The following DCAF1 variants were observed in gnomAD, a reference collection of about 807,000 sequenced individuals.
DCAF1 encodes DDB1- and CUL4-associated factor 1.
Under a neutral mutation model 128.0 loss-of-function variants are expected in DCAF1, and 15 were observed. That is an observed-to-expected ratio of 0.12 (90% confidence interval 0.08 to 0.18). The LOEUF is 0.18. Ranked by LOEUF, DCAF1 falls within the 10% of genes least tolerant of loss-of-function variation. DCAF1 has a pLI of 1.00. For missense variants in DCAF1, 988 were observed against 1,649.5 expected (o/e 0.60, Z 6.95); for synonymous variants, 610 against 603.0 (o/e 1.01, Z -0.17).
chr3:51,468,305 G>A lies in DCAF1; in HGVS notation c.188-1429C>T, dbSNP rs528373716. On this transcript the variant is annotated intron_variant, in intron 4 of 24. Coordinates refer to ENST00000684031, the MANE Select transcript of DCAF1 (RefSeq NM_001387579.1). ...TCCTGCCTCAGCCTCCCGAGTAGCT[G>A]GGATTACAGGTGCCTGCCACCACGC... is the stretch of plus-strand genomic sequence containing the variant. 7.2e-5 allele frequency among the ~76,000 whole-genome samples: 11 copies of A among 152,232 alleles called. 1 individual carries two copies. In the South Asian group the frequency reaches 2.3e-3, roughly 32 times the overall value.
At chr3:51,504,388 C>G (rs1553664926), upstream of DCAF1, among the ~76,000 whole-genome samples, 1 of 151,438 alleles carries the variant, frequency 6.6e-6, no homozygotes, top group Non-Finnish European at 1.5e-5. Context: ...TCACTCTGTC[C>G]CCAGGCTGGA....
At chr3:51,489,150 T>G (rs1707326820) in intron 2 of DCAF1, among the ~76,000 whole-genome samples, 1 of 152,104 alleles carries the variant, frequency 6.6e-6, no homozygotes, top group South Asian at 2.1e-4. Context: ...ACTGGAGTCC[T>G]CCGCCTGGCG....
At chr3:51,442,956 T>TA (rs1553639287) in intron 7 of DCAF1, among the ~76,000 whole-genome samples, 1 of 152,054 alleles carries the variant, frequency 6.6e-6, no homozygotes, top group East Asian at 1.9e-4. Flanking sequence ...GAAGAATAGC[T>TA]AATGGATGCT....
At chr3:51,505,566 G>C in the DCAF1 span, among the ~76,000 whole-genome samples, 1 of 152,218 alleles carries the variant, frequency 6.6e-6, no homozygotes, top group African/African-American at 2.4e-5. Context: ...CGATGTCTCT[G>C]TGTGAAAAGT....
chr3:51,420,417 A>C lies in DCAF1; in HGVS notation c.2553T>G (p.Leu851=). The C allele has an allele frequency of 6.2e-7, 1 of 1,614,012 alleles. No homozygotes were observed. Among genetic ancestry groups the C allele is most frequent in the Non-Finnish European group, 8.5e-7 (1 of 1,179,906 alleles). Residue 851 remains leucine, a synonymous_variant, in exon 15 of 25, where the codon CTT becomes CTG. Transcript: ENST00000684031. This position sits in a 1 kb window ranked among gnomAD's most constrained non-coding sequence, Gnocchi z 6.5. ...SRISFPEKEL[L]LLIRNHLISK... is the part of the protein sequence containing the mutation. ...AAATAAGATGGTTTCGTATCAACAA[A>C]AGCAGCTCTTTCTCAGGGAAGGAGA... is the stretch of plus-strand genomic sequence containing the variant.
At chr3:51,432,435 G>A (rs1260606675) in intron 10 of DCAF1, among the ~76,000 whole-genome samples, 1 of 151,188 alleles carries the variant, frequency 6.6e-6, no homozygotes, top group Non-Finnish European at 1.5e-5. Flanking sequence ...GTGTGTGAAT[G>A]AATCAGTGAG....
chr3:51,433,666 T>C (rs1292205083), intron 9 of DCAF1, among the ~76,000 whole-genome samples: 1 of 151,394 alleles, frequency 6.6e-6, no homozygotes, highest in African/African-American at 2.4e-5. Context: ...TTTCACCATG[T>C]TGGCCAGGCT....
At chr3:51,396,588 C>A (rs1417896942), downstream of DCAF1, 5 of 167,138 alleles carry the variant, frequency 3.0e-5, no homozygotes, top group Admixed American at 1.3e-4. Flanking sequence ...GCAACATGTG[C>A]CTCACTGGTG....
chr3:51,482,700 G>A (rs374125859), intron 3 of DCAF1, among the ~76,000 whole-genome samples: 10 of 149,542 alleles, frequency 6.7e-5, no homozygotes, highest in East Asian at 5.9e-4. Flanking sequence ...GGGAGGCGGA[G>A]GTTGCAGTGA....
chr3:51,474,266 A>C (rs1705155600), intron 3 of DCAF1, among the ~76,000 whole-genome samples: 1 of 152,106 alleles, frequency 6.6e-6, no homozygotes, highest in Non-Finnish European at 1.5e-5. Flanking sequence ...TAAAAATACA[A>C]AAAATTAGCC....
Position 51,414,582 on chromosome 3 carries a change from C to G in DCAF1, c.3837+42G>C, listed in dbSNP as rs781814516. The G allele has an allele frequency of 1.9e-6, 3 of 1,599,836 alleles. No homozygotes were observed. The South Asian group carries it at 3.3e-5, about 18-fold the overall frequency. On this transcript the variant is annotated intron_variant, in intron 19 of 24. Transcript: ENST00000684031. ...GAACAAATTATTTCTGCACCACAAA[C>G]CAGACAACAAATGGAAGGTAAGACA...
Position 51,471,024 on chromosome 3 carries a change from G to C in DCAF1, c.111-19C>G. ...AGACATCCTAGCACAAAGGAAACAA[G>C]GGGTCAACTCTGGACAAGCATAAAA... On this transcript the variant is annotated intron_variant, in intron 3 of 24. Coordinates refer to ENST00000684031, the MANE Select transcript of DCAF1 (RefSeq NM_001387579.1). 3.8e-6 allele frequency: 6 copies of C among 1,569,708 alleles called. No individual in the cohort carries two copies. The highest frequency in any genetic ancestry group is 5.2e-6 in the Non-Finnish European group (6 of 1,147,238).
At chr3:51,410,424 G>A (rs1322138361) in intron 23 of DCAF1, among the ~76,000 whole-genome samples, 2 of 152,178 alleles carry the variant, frequency 1.3e-5, no homozygotes, top group African/African-American at 4.8e-5. Context: ...CATCTTTGAT[G>A]TACAGGTGAT....
intron 24 of DCAF1, 136 bp from the exon 25 acceptor site, chr3:51,398,963 C>A: frequency 1.8e-6 from 2 of 1,091,140 alleles, no homozygotes; most frequent in South Asian, 1.5e-5. Context: ...GAAAACACAT[C>A]AATTAACTCC....
At chr3:51,453,551 G>C (rs1553641978) in intron 6 of DCAF1, among the ~76,000 whole-genome samples, 1 of 152,060 alleles carries the variant, frequency 6.6e-6, no homozygotes. Flanking sequence ...AGAATGGTTT[G>C]AGACAAGGAG....
chr3:51,444,482 C>T (rs530644003), intron 6 of DCAF1, among the ~76,000 whole-genome samples: 1 of 152,234 alleles, frequency 6.6e-6, no homozygotes, highest in East Asian at 1.9e-4. Flanking sequence ...TCCTGAATAC[C>T]TTGGACTACA....
At chr3:51,476,064 T>C (rs1439187565) in intron 3 of DCAF1, among the ~76,000 whole-genome samples, 1 of 151,992 alleles carries the variant, frequency 6.6e-6, no homozygotes, top group Non-Finnish European at 1.5e-5. Flanking sequence ...ATTGTGGGGT[T>C]TTTTTCTTCT....
At chr3:51,445,572 T>C (rs1195210640) in intron 6 of DCAF1, among the ~76,000 whole-genome samples, 4 of 152,196 alleles carry the variant, frequency 2.6e-5, no homozygotes, top group African/African-American at 9.6e-5. Context: ...ACCTAGACAG[T>C]GTACCTATAG....
chr3:51,462,757 A>C (rs551418796), intron 6 of DCAF1, among the ~76,000 whole-genome samples: 61 of 151,402 alleles, frequency 4.0e-4, no homozygotes, highest in Non-Finnish European at 8.7e-4. Flanking sequence ...AAAAAAAAAA[A>C]AAAAAAAAAC....
Sources: gnomAD v4.1 joint callset for allele counts (sites outside exome capture counted in the v4.1 genomes callset) on GRCh38, gnomAD v4.1.1 for gene constraint, Gnocchi (gnomAD v3.1) non-coding constraint, MANE v1.5 for transcripts, NCBI Gene and HGNC (gene_info 2026-07-23, HGNC 2026-07-21) for gene names.